The following WWP2 variants were observed in gnomAD, a reference collection of about 807,000 sequenced individuals.
WWP2 encodes WW domain containing E3 ubiquitin protein ligase 2, also known as NEDD4-like E3 ubiquitin-protein ligase WWP2.
WWP2 carries 57 observed loss-of-function variants against 121.0 expected under a neutral mutation model. The observed-to-expected ratio is 0.47, with a 90% confidence interval of 0.38 to 0.59. WWP2 has a LOEUF of 0.59. WWP2 is among the 20% of genes least tolerant of loss of function. The probability of loss-of-function intolerance (pLI) is 0.00; values close to 1 mark genes in which losing one functional copy is unlikely to be tolerated. For synonymous variants in WWP2, 449 were observed against 441.3 expected (o/e 1.02, Z -0.22); for missense variants, 962 against 1,158.9 (o/e 0.83, Z 2.47).
At chr16:69,908,166 G>A (rs1355744082) in intron 8 of WWP2, among the ~76,000 whole-genome samples, 1 of 152,150 alleles carries the variant, frequency 6.6e-6, no homozygotes, top group African/African-American at 2.4e-5. Context: ...GATTGCTTGA[G>A]CCTGGGAGGT....
chr16:69,909,287 A>G (rs2058346550), intron 9 of WWP2: 9 of 989,174 alleles, frequency 9.1e-6, no homozygotes, highest in Non-Finnish European at 1.1e-5. Context: ...TTCTTTCCAC[A>G]TGTGTCTCCT....
At position 69,908,914 on chromosome 16, in the gene WWP2, C is replaced by G; in HGVS notation, c.1004+64C>G. On this transcript the variant is annotated intron_variant, in intron 9 of 23. Transcript: ENST00000359154. ...GACACCATGAGTCACCCAATGGCTT[C>G]TTGAAACGGTCCCTTTCTGCGGAGG... is the stretch of plus-strand genomic sequence containing the variant. The G allele has an allele frequency of 1.9e-6, 3 of 1,610,648 alleles. No homozygotes were observed. In the South Asian group the frequency reaches 3.3e-5, roughly 18 times the overall value.
At chr16:69,785,773 C>T (rs886260410) in intron 1 of WWP2, among the ~76,000 whole-genome samples, 1 of 151,708 alleles carries the variant, frequency 6.6e-6, no homozygotes, top group African/African-American at 2.4e-5. Context: ...ATTACAGGCA[C>T]CCACTACCAC....
intron 9 of WWP2, among the ~76,000 whole-genome samples, chr16:69,916,000 T>C (rs1248298770): frequency 2.6e-5 from 4 of 150,950 alleles, no homozygotes; most frequent in Admixed American, 6.6e-5. Context: ...ATCCTGCTAC[T>C]CTACTCTAGC....
intron 8 of WWP2, among the ~76,000 whole-genome samples, chr16:69,901,400 G>T (rs1467976349): frequency 1.3e-5 from 2 of 152,064 alleles, no homozygotes; most frequent in Admixed American, 1.3e-4. Context: ...GATGTGAAAG[G>T]GTTCAGGTGT....
chr16:69,798,166 A>G (rs886892283), intron 2 of WWP2, among the ~76,000 whole-genome samples: 1 of 152,226 alleles, frequency 6.6e-6, no homozygotes, highest in Non-Finnish European at 1.5e-5. Context: ...TTTCTTGGAA[A>G]GGAATGGGCA....
intron 8 of WWP2, among the ~76,000 whole-genome samples, chr16:69,897,953 A>G (rs1462387446): frequency 6.6e-6 from 1 of 151,808 alleles, no homozygotes; most frequent in Non-Finnish European, 1.5e-5. Flanking sequence ...ACACAATGAA[A>G]CAATGGCTGC....
At chr16:69,812,202 T>C (rs1416752439) in intron 4 of WWP2, among the ~76,000 whole-genome samples, 2 of 146,558 alleles carry the variant, frequency 1.4e-5, no homozygotes, top group African/African-American at 5.1e-5. Flanking sequence ...AGTCTCGTTC[T>C]GGCACCCAGG....
chr16:69,771,952 C>CTT lies in WWP2; in HGVS notation c.-16+9586_-16+9587dup, dbSNP rs56376857. Among the ~76,000 whole-genome samples, 241 of 55,828 alleles carry CTT rather than the reference C, an allele frequency of 4.3e-3. 21 individuals carry two copies. Among genetic ancestry groups the CTT allele is most frequent in the Admixed American group, 5.2e-3 (23 of 4,440 alleles). The allele number at this position is 55,828 out of a possible 152,430, so 36.6% of individuals were successfully genotyped here. Reference sequence around the variant, plus strand: ...TTGAGAAACTAAAAGTCTTTTTAGTCTTTTTTTTTTTTTTTTTTTTTTTTT... The same window carrying CTT: ...TTGAGAAACTAAAAGTCTTTTTAGTCTTTTTTTTTTTTTTTTTTTTTTTTTTT... On this transcript the variant is annotated intron_variant, in intron 1 of 23. Coordinates refer to ENST00000359154, the MANE Select transcript of WWP2 (RefSeq NM_001270454.2).
Position 69,936,315 on chromosome 16 carries a change from G to C in WWP2, c.1980G>C (p.Glu660Asp), listed in dbSNP as rs2058797317. 6.2e-7 allele frequency: 1 copy of C among 1,614,020 alleles called. No individual in the cohort carries two copies. Among genetic ancestry groups the C allele is most frequent in the Non-Finnish European group, 8.5e-7 (1 of 1,180,034 alleles). The part of the protein sequence containing the change: ...EFYNSIVWIK[E>D]NNLEECGLEL... ...ACTTGGTCTCCTGTGCCCCCAGAGAGAACAACCTGGAAGAATGTGGCCTGG... is the reference window on the plus strand; with the variant it reads ...ACTTGGTCTCCTGTGCCCCCAGAGACAACAACCTGGAAGAATGTGGCCTGG... The change falls in exon 19 of 24, where the codon GAG (glutamate) becomes GAC (aspartate). Residue 660 changes from glutamate (E) to aspartate (D), a missense_variant. Physicochemically the swap from Glu to Asp is conservative, Grantham distance 45. Transcript: ENST00000359154.
At chr16:69,795,363 T>C (rs2056011999) in intron 2 of WWP2, among the ~76,000 whole-genome samples, 2 of 152,226 alleles carry the variant, frequency 1.3e-5, no homozygotes, top group Middle Eastern at 6.8e-3. Flanking sequence ...TGTAGCCACA[T>C]AGAACTGTTT....
chr16:69,881,618 C>A (rs562578861), intron 7 of WWP2, among the ~76,000 whole-genome samples: 1 of 152,344 alleles, frequency 6.6e-6, no homozygotes, highest in South Asian at 2.1e-4. Context: ...ACCATACTAT[C>A]TTTTCAGATT....
At chr16:69,774,702 G>C (rs1452455975) in intron 1 of WWP2, 1 of 152,128 alleles carries the variant, frequency 6.6e-6, no homozygotes, top group Non-Finnish European at 1.5e-5. Flanking sequence ...AGGTGCTGTG[G>C]CTTACGTTTA....
chr16:69,834,506 T>C (rs2056841982), intron 4 of WWP2, among the ~76,000 whole-genome samples: 1 of 151,354 alleles, frequency 6.6e-6, no homozygotes. Flanking sequence ...TAAATTTTTT[T>C]ATTTCATTAA....
chr16:69,770,687 G>A (rs1036772195), intron 1 of WWP2, among the ~76,000 whole-genome samples: 1 of 152,090 alleles, frequency 6.6e-6, no homozygotes, highest in African/African-American at 2.4e-5. Context: ...CGCAAGTCAG[G>A]GGCAGTCTTG....
At chr16:69,804,571 C>T (rs1330679998) in intron 4 of WWP2, among the ~76,000 whole-genome samples, 1 of 152,162 alleles carries the variant, frequency 6.6e-6, no homozygotes, top group Non-Finnish European at 1.5e-5. Context: ...ATCACTCTGT[C>T]TATGCTATTG....
intron 1 of WWP2, among the ~76,000 whole-genome samples, chr16:69,782,770 T>G (rs1415476064): frequency 6.6e-6 from 1 of 152,224 alleles, no homozygotes; most frequent in Non-Finnish European, 1.5e-5. Context: ...GTGACATTGT[T>G]TGACTTTAGC....
chr16:69,798,938 T>A, intron 3 of WWP2, 109 bp downstream of exon 3: 1 of 1,478,028 alleles, frequency 6.8e-7, no homozygotes. Flanking sequence ...CGACTTTTTC[T>A]ACCTATGGTA....
rs1016033133 is a variant in WWP2, at chr16:69,799,559, G to A, written c.340+264G>A. On this transcript the variant is annotated intron_variant, in intron 4 of 23. Coordinates refer to ENST00000359154, the MANE Select transcript of WWP2 (RefSeq NM_001270454.2). The surrounding 1 kb of genome is among the most constrained non-coding windows in gnomAD (Gnocchi z 4.5). ...CTTCCTTAGGGACTGGAAACTTTCT[G>A]TCTGCCTCTGCTCCTCTTCCCGTTG... 5 of 367,394 alleles carry A rather than the reference G, an allele frequency of 1.4e-5. No individual in the cohort carries two copies. The highest frequency in any genetic ancestry group is 5.2e-5 in the South Asian group (1 of 19,212). The allele number at this position is 367,394 out of a possible 1,614,324, so 22.8% of individuals were successfully genotyped here.
Sources: allele counts gnomAD v4.1 joint callset (sites outside exome capture counted in the v4.1 genomes callset), GRCh38; gene constraint gnomAD v4.1.1; non-coding constraint Gnocchi (gnomAD v3.1); transcripts MANE v1.5; gene names NCBI Gene and HGNC (gene_info 2026-07-23, HGNC 2026-07-21).